The following MYO9A variants were observed in gnomAD, a reference collection of about 807,000 sequenced individuals.
MYO9A encodes myosin IXA.
In MYO9A, 103 loss-of-function variants were observed where a neutral mutation model predicts 293.3. The observed-to-expected ratio is 0.35, with a 90% CI of 0.30 to 0.41. MYO9A has a LOEUF of 0.41. MYO9A is among the 10% of genes least tolerant of loss of function. MYO9A has a pLI of 1.00. For missense variants in MYO9A, 2,685 were observed against 3,033.0 expected (o/e 0.89, Z 2.69); for synonymous variants, 1,001 against 1,035.7 (o/e 0.97, Z 0.64).
At chr15:72,010,752 C>T (rs2077148891) in intron 6 of MYO9A, among the ~76,000 whole-genome samples, 1 of 152,126 alleles carries the variant, frequency 6.6e-6, no homozygotes, top group African/African-American at 2.4e-5. Flanking sequence ...TGTGCTGATA[C>T]TAAGTTTGAT....
intron 14 of MYO9A, among the ~76,000 whole-genome samples, chr15:71,953,307 G>A (rs1481862): frequency 0.63 from 96,033 of 151,988 alleles, 31,756 homozygotes; most frequent in Middle Eastern, 0.74. Flanking sequence ...CACTTGGTTT[G>A]GCAGTCAGCT....
chr15:72,093,982 C>T lies in MYO9A; in HGVS notation c.-72+23698G>A, dbSNP rs577907188. Reference sequence around the variant, plus strand: ...AACATACATCTGAAGAAATCACCCACAGTAAAAGAAGAAAAATACACACCC... The same window carrying T: ...AACATACATCTGAAGAAATCACCCATAGTAAAAGAAGAAAAATACACACCC... On this transcript the variant is annotated intron_variant, in intron 1 of 41. Transcript: ENST00000356056. 2.2e-5 allele frequency among the ~76,000 whole-genome samples: 2 copies of T among 90,822 alleles called. 1 individual carries two copies. Among genetic ancestry groups the T allele is most frequent in the African/African-American group, 5.2e-5 (2 of 38,710 alleles). 59.6% of individuals were successfully genotyped at this position (90,822 alleles called of 152,430 possible). A position where few individuals can be genotyped will look rare whatever the true frequency, so the allele number is the denominator to read the frequency against.
chr15:71,828,469 C>T (rs2140488573), intron 40 of MYO9A, among the ~76,000 whole-genome samples: 1 of 152,250 alleles, frequency 6.6e-6, no homozygotes, highest in East Asian at 1.9e-4. Context: ...AACTATTTTC[C>T]ATGAAGCTTA....
At chr15:72,003,119 A>C (rs921261277) in intron 8 of MYO9A, among the ~76,000 whole-genome samples, 1 of 151,804 alleles carries the variant, frequency 6.6e-6, no homozygotes, top group Non-Finnish European at 1.5e-5. Context: ...AAAATACAAA[A>C]TTAGCCGGGT....
intron 19 of MYO9A, among the ~76,000 whole-genome samples, chr15:71,907,722 T>G (rs1455454117): frequency 1.3e-5 from 2 of 151,866 alleles, no homozygotes; most frequent in African/African-American, 4.8e-5. Context: ...TCATGTGTTT[T>G]TTGGCTGCAT....
At chr15:72,048,999 A>T (rs2078475698) in intron 1 of MYO9A, among the ~76,000 whole-genome samples, 1 of 152,182 alleles carries the variant, frequency 6.6e-6, no homozygotes, top group Admixed American at 6.5e-5. Context: ...AACCCTCAGT[A>T]TGTAATTTAA....
intron 9 of MYO9A, among the ~76,000 whole-genome samples, chr15:71,999,640 G>GA (rs1188260958): frequency 2.0e-5 from 3 of 152,120 alleles, no homozygotes; most frequent in Non-Finnish European, 4.4e-5. Context: ...GATCCTTGGA[G>GA]AAAAATGCAA....
intron 7 of MYO9A, 88 bp from the exon 8 acceptor site, chr15:72,008,040 T>C: frequency 6.9e-7 from 1 of 1,446,078 alleles, no homozygotes; most frequent in Non-Finnish European, 9.3e-7. Context: ...CAAATTAACC[T>C]ACAAATATGA....
intron 1 of MYO9A, among the ~76,000 whole-genome samples, chr15:72,100,926 G>A (rs1277618384): frequency 7.5e-6 from 1 of 133,954 alleles, no homozygotes; most frequent in Non-Finnish European, 1.6e-5. Context: ...GGTGGGGGGG[G>A]TCAGCCCCCC....
Position 71,898,113 on chromosome 15 carries a change from T to C in MYO9A, c.4390A>G (p.Arg1464Gly). The change falls in exon 25 of 42, where the codon AGA becomes GGA. Residue 1464 changes from arginine (R) to glycine (G), a missense_variant. Arg to Gly is a moderately radical substitution (Grantham distance 125). This residue lies in a region of MYO9A where 1,434 missense variants were observed against 1,497.7 expected (regional missense o/e 0.96). Transcript: ENST00000356056. ...ALTLDINRET[R>G]RYHCSGKDQI... ...TCTTTTCCTGAGCAGTGATACCTTCTAGTTTCCCTGTTGATATCCAAAGTA... is the reference window on the plus strand; with the variant it reads ...TCTTTTCCTGAGCAGTGATACCTTCCAGTTTCCCTGTTGATATCCAAAGTA... 2 of 1,614,168 alleles carry C rather than the reference T, an allele frequency of 1.2e-6. No homozygotes were observed. The highest frequency in any genetic ancestry group is 1.7e-6 in the Non-Finnish European group (2 of 1,180,028).
At chr15:71,889,340 T>C (rs1209147863) in intron 26 of MYO9A, 1 of 151,766 alleles carries the variant, frequency 6.6e-6, no homozygotes, top group Non-Finnish European at 1.5e-5. Flanking sequence ...CCAGAGCATA[T>C]AACTTTATGA....
intron 32 of MYO9A, among the ~76,000 whole-genome samples, chr15:71,864,612 A>G (rs1214839153): frequency 6.6e-6 from 1 of 152,244 alleles, no homozygotes; most frequent in Non-Finnish European, 1.5e-5. Flanking sequence ...GGATAAATAA[A>G]ACGTGACATA....
In MYO9A at chr15:71,975,391, G is replaced by A. The variant is rs1156903350; in HGVS notation, c.1844+2780C>T. ...CTTTGGCCTATGACGTGATTTTATC[G>A]TGTGTGTGTGTGTGTGTGTGTGTGT... On this transcript the variant is annotated intron_variant, in intron 12 of 41. Transcript: ENST00000356056. Among the ~76,000 whole-genome samples, 6 of 2,684 alleles carry A rather than the reference G, an allele frequency of 2.2e-3. 1 individual carries two copies. Among genetic ancestry groups the A allele is most frequent in the South Asian group, 0.11 (2 of 18 alleles). 1.8% of individuals were successfully genotyped at this position (2,684 alleles called of 152,430 possible).
In MYO9A at chr15:71,844,693, C is replaced by T. The variant is rs138019164; in HGVS notation, c.6837+4152G>A. 5.6e-4 allele frequency among the ~76,000 whole-genome samples: 85 copies of T among 152,110 alleles called. 2 individuals carry two copies. The East Asian group carries it at 0.016, about 28-fold the overall frequency. ...TCTTCTGAAAATTCTGTAAGGCTCA[C>T]GATAGCGAAAGAATGCAAGAAGGAA... On this transcript the variant is annotated intron_variant, in intron 39 of 41. Transcript: ENST00000356056.
At chr15:71,875,280 T>C (rs937268852) in intron 32 of MYO9A, among the ~76,000 whole-genome samples, 3 of 152,124 alleles carry the variant, frequency 2.0e-5, no homozygotes. Flanking sequence ...CCTATATATT[T>C]AGGTTGTTTG....
intron 1 of MYO9A, among the ~76,000 whole-genome samples, chr15:72,083,826 T>C (rs1234071309): frequency 1.3e-5 from 2 of 152,250 alleles, no homozygotes; most frequent in East Asian, 3.8e-4. Context: ...TTTTCTTAGA[T>C]GTGACTTCTA....
At chr15:71,927,280 G>C (rs975149525) in intron 18 of MYO9A, among the ~76,000 whole-genome samples, 1 of 152,212 alleles carries the variant, frequency 6.6e-6, no homozygotes, top group East Asian at 1.9e-4. Context: ...TGCATAGTCT[G>C]CAAATATTTT....
intron 33 of MYO9A, among the ~76,000 whole-genome samples, chr15:71,861,211 T>C (rs1442347595): frequency 6.6e-6 from 1 of 151,056 alleles, no homozygotes; most frequent in Non-Finnish European, 1.5e-5. Flanking sequence ...AAATATATAG[T>C]AATAGTGGCA....
At chr15:71,917,749 T>C (rs1027675407) in intron 18 of MYO9A, among the ~76,000 whole-genome samples, 1 of 152,124 alleles carries the variant, frequency 6.6e-6, no homozygotes, top group Non-Finnish European at 1.5e-5. Flanking sequence ...AATATATCTA[T>C]ACAGATGTAA....
Sources: allele counts gnomAD v4.1 joint callset (sites outside exome capture counted in the v4.1 genomes callset), GRCh38; gene constraint gnomAD v4.1.1; regional missense constraint gnomAD v4.1.1; transcripts MANE v1.5; gene names NCBI Gene and HGNC (gene_info 2026-07-23, HGNC 2026-07-21).